The following ROPN1L variants were observed in gnomAD, a reference collection of about 807,000 sequenced individuals.
ROPN1L encodes the protein ropporin-1-like protein.
In ROPN1L, 23 loss-of-function variants were observed where a neutral mutation model predicts 22.7. That is an observed-to-expected ratio of 1.01 (90% CI 0.73 to 1.43). The LOEUF (loss-of-function observed/expected upper bound fraction) is 1.43. ROPN1L is among the 40% of genes most tolerant of loss of function. ROPN1L has a pLI of 0.00. For synonymous variants in ROPN1L, 116 were observed against 117.8 expected (o/e 0.98, Z 0.10); for missense variants, 271 against 291.5 (o/e 0.93, Z 0.51).
At chr5:10,447,969 T>C (rs982049684) in intron 1 of ROPN1L, among the ~76,000 whole-genome samples, 2 of 152,218 alleles carry the variant, frequency 1.3e-5, no homozygotes, top group Non-Finnish European at 2.9e-5. Flanking sequence ...ATCACACATG[T>C]TGAAGGAGCT....
chr5:10,463,432 G>A lies in ROPN1L; in HGVS notation c.594-1416G>A, dbSNP rs562813542. Among the ~76,000 whole-genome samples, 5 of 152,320 alleles carry A rather than the reference G, an allele frequency of 3.3e-5. No homozygotes were observed. The South Asian group carries it at 6.2e-4, about 19-fold the overall frequency. On this transcript the variant is annotated intron_variant, in intron 4 of 4. Coordinates refer to ENST00000274134, the MANE Select transcript of ROPN1L (RefSeq NM_031916.5). ...CAGAGGTGGTGGTGACAACCGCAGG[G>A]TCCGGGGAGCTGTGGTGCTGCAGAG...
At chr5:10,477,875 A>C in the ROPN1L span, among the ~76,000 whole-genome samples, 1 of 152,218 alleles carries the variant, frequency 6.6e-6, no homozygotes, top group African/African-American at 2.4e-5. Flanking sequence ...GGTTGCAGTG[A>C]GCAAAGATCA....
intron 4 of ROPN1L, 43 bp downstream of exon 4, chr5:10,461,402 G>T: frequency 6.4e-7 from 1 of 1,553,710 alleles, no homozygotes; most frequent in Non-Finnish European, 8.8e-7. Flanking sequence ...GTTGACCATG[G>T]GAGAATTTCC....
the ROPN1L span, among the ~76,000 whole-genome samples, chr5:10,477,031 T>C: frequency 6.6e-6 from 1 of 152,254 alleles, no homozygotes; most frequent in Admixed American, 6.5e-5. Context: ...TCAGCTCTGC[T>C]GTGTAGCATG....
At chr5:10,442,878 C>T (rs1164338269) in intron 1 of ROPN1L, among the ~76,000 whole-genome samples, 1 of 152,204 alleles carries the variant, frequency 6.6e-6, no homozygotes, top group African/African-American at 2.4e-5. Context: ...TTGCCAGGAA[C>T]AGACATTCAT....
chr5:10,481,720 G>T, the ROPN1L span, among the ~76,000 whole-genome samples: 1 of 152,318 alleles, frequency 6.6e-6, no homozygotes, highest in South Asian at 2.1e-4. Context: ...ATGCTGCCGC[G>T]CAGTGAATTT....
the ROPN1L span, chr5:10,477,951 A>G: frequency 2.6e-5 from 4 of 152,316 alleles, no homozygotes; most frequent in African/African-American, 9.6e-5. Context: ...AAAACTATTC[A>G]AAATCCTCCA....
Position 10,442,102 on chromosome 5 carries a change from C to A in ROPN1L, c.-66C>A, listed in dbSNP as rs779041842. The A allele has an allele frequency of 1.3e-6, 2 of 1,566,552 alleles. No homozygotes were observed. The highest frequency in any genetic ancestry group is 2.3e-5 in the South Asian group (2 of 86,024). ...GCTAGCGGGTCCACCGCGTCGTAGC[C>A]GACAGCCGCCCTTCTTCCTCGCAGC... On this transcript the variant is annotated 5_prime_UTR_variant, in exon 1 of 5. Coordinates refer to ENST00000274134, the MANE Select transcript of ROPN1L (RefSeq NM_031916.5).
At chr5:10,472,984 A>G (rs2126484484), downstream of ROPN1L, among the ~76,000 whole-genome samples, 1 of 152,288 alleles carries the variant, frequency 6.6e-6, no homozygotes, top group South Asian at 2.1e-4. Flanking sequence ...CAGGGTTCCC[A>G]GGGGCTAGGA....
chr5:10,477,613 G>A, the ROPN1L span, among the ~76,000 whole-genome samples: 399 of 152,290 alleles, frequency 2.6e-3, 2 homozygotes, highest in African/African-American at 9.3e-3. Flanking sequence ...AAGAGGACAT[G>A]TATGCTTAAT....
intron 1 of ROPN1L, among the ~76,000 whole-genome samples, chr5:10,444,853 C>T (rs1358654530): frequency 2.0e-5 from 3 of 151,764 alleles, no homozygotes; most frequent in Non-Finnish European, 2.9e-5. Flanking sequence ...GAGCCAAGAT[C>T]GTGCCACTGC....
chr5:10,475,223 AC>A, downstream of ROPN1L, among the ~76,000 whole-genome samples: 1 of 152,140 alleles, frequency 6.6e-6, no homozygotes, highest in East Asian at 1.9e-4. Flanking sequence ...CCACAGTCAC[AC>A]CCTCTTCAAC....
chr5:10,477,490 A>T, the ROPN1L span, among the ~76,000 whole-genome samples: 1 of 152,242 alleles, frequency 6.6e-6, no homozygotes, highest in Non-Finnish European at 1.5e-5. Flanking sequence ...CTGTTGATGG[A>T]CAGGAAGGAA....
intron 3 of ROPN1L, among the ~76,000 whole-genome samples, chr5:10,458,659 A>G (rs1321646467): frequency 2.9e-5 from 1 of 34,900 alleles, no homozygotes; most frequent in African/African-American, 1.3e-4. Context: ...CATGTACACC[A>G]TCCCCCCATG....
chr5:10,463,290 T>C (rs1008001996), intron 4 of ROPN1L, among the ~76,000 whole-genome samples: 2 of 152,256 alleles, frequency 1.3e-5, no homozygotes, highest in African/African-American at 2.4e-5. Context: ...AACAAAGCTC[T>C]TGGGTCCTGC....
Position 10,461,445 on chromosome 5 carries a change from GTTTTTCCTTTGCT to G in ROPN1L, c.593+87_593+99del. 2.5e-6 allele frequency: 3 copies of G among 1,198,500 alleles called. No individual in the cohort carries two copies. In the South Asian group the frequency reaches 4.1e-5, roughly 16 times the overall value. The allele number at this position is 1,198,500 out of a possible 1,614,324, so 74.2% of individuals were successfully genotyped here. A position where few individuals can be genotyped will look rare whatever the true frequency, so the allele number is the denominator to read the frequency against. ...CTTCCCCCTTGTAGGGAAAAACTCA[GTTTTTCCTTTGCT>G]CTCTCACCACAACAATAATCAACAC... On this transcript the variant is annotated intron_variant, in intron 4 of 4. Coordinates refer to ENST00000274134, the MANE Select transcript of ROPN1L (RefSeq NM_031916.5).
intron 3 of ROPN1L, among the ~76,000 whole-genome samples, chr5:10,454,883 A>G (rs1422303443): frequency 6.6e-6 from 1 of 152,226 alleles, no homozygotes; most frequent in Non-Finnish European, 1.5e-5. Flanking sequence ...GCTGAGTCAC[A>G]ACAGGTGACT....
intron 3 of ROPN1L, among the ~76,000 whole-genome samples, chr5:10,452,341 AT>A (rs1195190147): frequency 4.5e-3 from 481 of 106,346 alleles, no homozygotes; most frequent in Non-Finnish European, 5.6e-3. Flanking sequence ...GTGTGTGTGT[AT>A]TTTTTTTTTT....
At chr5:10,455,197 G>A (rs924050758) in intron 3 of ROPN1L, among the ~76,000 whole-genome samples, 3 of 152,198 alleles carry the variant, frequency 2.0e-5, no homozygotes, top group Non-Finnish European at 4.4e-5. Context: ...CTGTTGGTCC[G>A]ATGTGACAGC....
Sources: allele counts gnomAD v4.1 joint callset (sites outside exome capture counted in the v4.1 genomes callset), GRCh38; gene constraint gnomAD v4.1.1; transcripts MANE v1.5; gene names NCBI Gene and HGNC (gene_info 2026-07-23, HGNC 2026-07-21).